Variants in SSBP2 observed in about 807,000 individuals in gnomAD.
The protein encoded by SSBP2 is single-stranded DNA-binding protein 2.
SSBP2 carries 17 observed loss-of-function variants against 61.8 expected under a neutral mutation model. The observed-to-expected ratio is 0.28, with a 90% CI of 0.19 to 0.41. SSBP2 has a LOEUF of 0.41. Among genes scored for constraint, SSBP2 ranks in the 10% least tolerant of loss-of-function variants. The pLI, the probability that SSBP2 is intolerant of heterozygous loss-of-function variation, is 1.00. For missense variants in SSBP2, 310 were observed against 458.7 expected, an observed-to-expected ratio of 0.68 and a Z score of 2.96; for synonymous variants, 139 against 141.3, an observed-to-expected ratio of 0.98 and a Z score of 0.12.
Position 81,668,329 on chromosome 5 carries a change from C to T in SSBP2, c.63-17990G>A, listed in dbSNP as rs1407210695. On this transcript the variant is annotated intron_variant, in intron 1 of 16. Transcript: ENST00000320672. ...AAATTTTAATTGTTCAGTTTTAACA[C>T]AGAATTAACATTTCTTCATGCATTC... Among the ~76,000 whole-genome samples the T allele has an allele frequency of 1.4e-5, 2 of 140,330 alleles. 1 individual carries two copies. Among genetic ancestry groups the T allele is most frequent in the South Asian group, 4.5e-4 (2 of 4,430 alleles). The allele number at this position is 140,330 out of a possible 152,430, so 92.1% of individuals were successfully genotyped here.
chr5:81,682,836 T>G (rs537066480), intron 1 of SSBP2, among the ~76,000 whole-genome samples: 206 of 152,198 alleles, frequency 1.4e-3, no homozygotes, highest in African/African-American at 4.7e-3. Context: ...GAACACAAGA[T>G]TAACAGAAAA....
At chr5:81,466,631 T>A (rs951938123) in intron 9 of SSBP2, among the ~76,000 whole-genome samples, 1 of 152,004 alleles carries the variant, frequency 6.6e-6, no homozygotes, top group Non-Finnish European at 1.5e-5. Flanking sequence ...GGTGTTAGCA[T>A]CTCTTCATAT....
chr5:81,654,111 ACAC>A (rs1299112328), intron 1 of SSBP2, among the ~76,000 whole-genome samples: 2 of 151,618 alleles, frequency 1.3e-5, no homozygotes, highest in Non-Finnish European at 2.9e-5. Flanking sequence ...CTACAGTCAC[ACAC>A]CACCACATCT....
intron 4 of SSBP2, among the ~76,000 whole-genome samples, chr5:81,582,933 A>T (rs1240078872): frequency 6.6e-6 from 1 of 152,160 alleles, no homozygotes; most frequent in Non-Finnish European, 1.5e-5. Context: ...TAAAATATAA[A>T]TAACAGGCCA....
At chr5:81,446,453 T>C (rs1266123089) in intron 12 of SSBP2, among the ~76,000 whole-genome samples, 1 of 151,318 alleles carries the variant, frequency 6.6e-6, no homozygotes, top group African/African-American at 2.5e-5. Flanking sequence ...TACTTCTTCA[T>C]CCTTCATTCA....
Position 81,668,834 on chromosome 5 carries a change from CAGAAA to C in SSBP2, c.63-18500_63-18496del, listed in dbSNP as rs200243854. Among the ~76,000 whole-genome samples the C allele has an allele frequency of 9.2e-5, 14 of 152,066 alleles. 1 individual carries two copies. The East Asian group carries it at 2.7e-3, about 29-fold the overall frequency. On this transcript the variant is annotated intron_variant, in intron 1 of 16. Coordinates refer to ENST00000320672, the MANE Select transcript of SSBP2 (RefSeq NM_012446.5). ...ATCATTTGTACAGAAAATTTAAAGA[CAGAAA>C]AGAAAATTATCTTTACAAATTATTT...
At chr5:81,485,504 T>C (rs566221577) in intron 6 of SSBP2, among the ~76,000 whole-genome samples, 1 of 152,200 alleles carries the variant, frequency 6.6e-6, no homozygotes, top group Non-Finnish European at 1.5e-5. Context: ...AATCTGTTTA[T>C]TAAAGAGATG....
At chr5:81,452,815 G>T (rs113138089) in intron 10 of SSBP2, among the ~76,000 whole-genome samples, 102 of 152,174 alleles carry the variant, frequency 6.7e-4, no homozygotes, top group Non-Finnish European at 1.3e-3. Context: ...AGAAATGCAG[G>T]TCTAGAATGT....
At chr5:81,696,379 T>G (rs775196380) in intron 1 of SSBP2, among the ~76,000 whole-genome samples, 6 of 152,196 alleles carry the variant, frequency 3.9e-5, no homozygotes, top group Non-Finnish European at 7.3e-5. Flanking sequence ...CTTTTCTCTC[T>G]TGTCCTTGCC....
chr5:81,479,381 T>C (rs1394957255), intron 6 of SSBP2, among the ~76,000 whole-genome samples: 1 of 152,044 alleles, frequency 6.6e-6, no homozygotes, highest in Admixed American at 6.6e-5. Flanking sequence ...ACCTACACCT[T>C]CCAGGTTCAA....
Position 81,592,145 on chromosome 5 carries a change from G to A in SSBP2, c.282+23328C>T, listed in dbSNP as rs184302473. Among the ~76,000 whole-genome samples the A allele has an allele frequency of 3.5e-3, 538 of 152,324 alleles. 3 individuals carry two copies. Among genetic ancestry groups the A allele is most frequent in the African/African-American group, 0.012 (491 of 41,574 alleles). ...CGGGTCACTCCCACCCTAATACTGC[G>A]CTTTTCCAACAGGCTTAAAAAACAG... On this transcript the variant is annotated intron_variant, in intron 4 of 16. Transcript: ENST00000320672.
At chr5:81,558,810 T>C (rs1399846550) in intron 4 of SSBP2, among the ~76,000 whole-genome samples, 2 of 152,222 alleles carry the variant, frequency 1.3e-5, no homozygotes, top group Non-Finnish European at 2.9e-5. Context: ...AAAGCAAAAA[T>C]ATTTATCATA....
At chr5:81,680,123 C>G (rs1752277000) in intron 1 of SSBP2, among the ~76,000 whole-genome samples, 1 of 151,802 alleles carries the variant, frequency 6.6e-6, no homozygotes, top group African/African-American at 2.4e-5. Context: ...TAGACTCAAA[C>G]TGGGACTTAC....
intron 1 of SSBP2, among the ~76,000 whole-genome samples, chr5:81,717,652 G>T (rs191060020): frequency 2.0e-5 from 3 of 151,788 alleles, no homozygotes; most frequent in South Asian, 4.2e-4. Flanking sequence ...AAAAACCAAG[G>T]TCCCCACAAA....
intron 3 of SSBP2, among the ~76,000 whole-genome samples, chr5:81,635,806 G>A (rs1383693909): frequency 6.6e-6 from 1 of 151,904 alleles, no homozygotes; most frequent in South Asian, 2.1e-4. Context: ...GGATGGTCTC[G>A]ATCTCCTGAC....
intron 4 of SSBP2, among the ~76,000 whole-genome samples, chr5:81,592,409 T>C (rs1775593037): frequency 6.6e-6 from 1 of 152,202 alleles, no homozygotes; most frequent in South Asian, 2.1e-4. Context: ...GCTCCACCTC[T>C]GGGGGCAGGG....
intron 4 of SSBP2, among the ~76,000 whole-genome samples, chr5:81,538,566 T>G (rs1770996564): frequency 6.6e-6 from 1 of 152,224 alleles, no homozygotes; most frequent in African/African-American, 2.4e-5. Context: ...AGAACTTTCA[T>G]AGCTAAAGAG....
chr5:81,647,806 A>T (rs1441326736), intron 2 of SSBP2, among the ~76,000 whole-genome samples: 2 of 152,152 alleles, frequency 1.3e-5, no homozygotes, highest in Non-Finnish European at 2.9e-5. Context: ...CATTTCCACC[A>T]AACAGTCCTA....
At chr5:81,485,226 T>C (rs1766293207) in intron 6 of SSBP2, among the ~76,000 whole-genome samples, 1 of 152,178 alleles carries the variant, frequency 6.6e-6, no homozygotes, top group Admixed American at 6.6e-5. Context: ...TAGATTTAAC[T>C]TCTATGTTTC....
Sources: allele counts gnomAD v4.1 joint callset (sites outside exome capture counted in the v4.1 genomes callset), GRCh38; gene constraint gnomAD v4.1.1; transcripts MANE v1.5; gene names NCBI Gene and HGNC (gene_info 2026-07-23, HGNC 2026-07-21).